TP63: variants seen among roughly 807,000 people sequenced by gnomAD.
TP63 encodes tumor protein 63.
A neutral mutation model predicts 82.8 loss-of-function variants in TP63; 17 were observed. The ratio of observed to expected loss-of-function variants is 0.21; its 90% CI spans 0.14 to 0.31. The LOEUF is 0.31. Among genes scored for constraint, TP63 ranks in the 10% least tolerant of loss-of-function variants. The pLI is 1.00. For synonymous variants in TP63, 330 were observed against 321.7 expected (o/e 1.03, Z -0.28); for missense variants, 648 against 895.3 (o/e 0.72, Z 3.52).
rs373089506 is a variant in TP63 at position 189,668,125 on chromosome 3, G to C, written c.62+36548G>C. Among the ~76,000 whole-genome samples, 54 of 152,020 alleles carry C rather than the reference G, an allele frequency of 3.6e-4. No individual in the cohort carries two copies. In the East Asian group the frequency reaches 8.9e-3, roughly 25 times the overall value. On this transcript the variant is annotated intron_variant, in intron 1 of 13. Transcript: ENST00000264731. ...GGCTTGAGAAAAAAAATTAGGCATT[G>C]CACAGATATGTTCAACAAAGCATAA...
rs1325133126 is a variant in TP63 at position 189,869,406 on chromosome 3, A to T, written c.1212A>T (p.Pro404=). Residue 404 remains proline (P), a splice_region_variant and synonymous_variant, in exon 9 of 14, where the codon CCA becomes CCT. Coordinates refer to ENST00000264731, the MANE Select transcript of TP63 (RefSeq NM_003722.5). Reference sequence around the variant, plus strand: ...CAGATGATGAACTGTTATACTTACCAGTAGGTCTTCCTTGGGTGTTCATGG... The same window carrying T: ...CAGATGATGAACTGTTATACTTACCTGTAGGTCTTCCTTGGGTGTTCATGG... ...RSPDDELLYL[P]VRGRETYEML... 1.2e-6 allele frequency: 2 copies of T among 1,613,674 alleles called. No homozygotes were observed. The highest frequency in any genetic ancestry group is 8.5e-7 in the Non-Finnish European group (1 of 1,179,682).
chr3:189,835,517 A>G (rs1038521661), intron 4 of TP63, among the ~76,000 whole-genome samples: 1 of 152,238 alleles, frequency 6.6e-6, no homozygotes, highest in African/African-American at 2.4e-5. Flanking sequence ...AATTAACATA[A>G]TGAAAGCATT....
chr3:189,821,952 T>C (rs1162676225), intron 4 of TP63, among the ~76,000 whole-genome samples: 1 of 152,184 alleles, frequency 6.6e-6, no homozygotes, highest in African/African-American at 2.4e-5. Flanking sequence ...ATGGCTCTTT[T>C]ACTAAAGGAC....
chr3:189,797,846 C>A (rs566166890), intron 3 of TP63, among the ~76,000 whole-genome samples: 1 of 152,124 alleles, frequency 6.6e-6, no homozygotes, highest in East Asian at 1.9e-4. Context: ...GCTCCAACAC[C>A]TCACCCCCAT....
chr3:189,791,063 C>T (rs544019947), intron 3 of TP63, among the ~76,000 whole-genome samples: 41 of 152,204 alleles, frequency 2.7e-4, no homozygotes, highest in Admixed American at 2.4e-3. Flanking sequence ...TCTTGTTTTG[C>T]AGTTATATTG....
At chr3:189,627,503 A>T (rs1324060060), upstream of TP63, among the ~76,000 whole-genome samples, 1 of 152,212 alleles carries the variant, frequency 6.6e-6, no homozygotes, top group Non-Finnish European at 1.5e-5. Flanking sequence ...CATAGTAGCC[A>T]GTAGCCTCAC....
At chr3:189,672,564 T>G (rs1262220593) in intron 1 of TP63, among the ~76,000 whole-genome samples, 1 of 149,678 alleles carries the variant, frequency 6.7e-6, no homozygotes, top group African/African-American at 2.5e-5. Context: ...ATCATGCCAC[T>G]GTACTACAGC....
intron 1 of TP63, among the ~76,000 whole-genome samples, chr3:189,671,042 A>G (rs1415494149): frequency 6.6e-6 from 1 of 152,126 alleles, no homozygotes; most frequent in African/African-American, 2.4e-5. Flanking sequence ...GAATATCTCA[A>G]ACTAAAAAAC....
intron 1 of TP63, among the ~76,000 whole-genome samples, chr3:189,702,090 C>A (rs566364210): frequency 6.6e-6 from 1 of 152,250 alleles, no homozygotes; most frequent in South Asian, 2.1e-4. Flanking sequence ...CCCTGGAGGC[C>A]TGTACCAGAG....
chr3:189,739,018 C>G, intron 3 of TP63: 1 of 554,810 alleles, frequency 1.8e-6, no homozygotes, highest in Non-Finnish European at 3.2e-6. Context: ...CATCTTTTAT[C>G]TTGATTGTTC....
intron 1 of TP63, among the ~76,000 whole-genome samples, chr3:189,634,852 A>G (rs1471656683): frequency 1.3e-5 from 2 of 152,024 alleles, no homozygotes; most frequent in Non-Finnish European, 2.9e-5. Context: ...CTAAAATTTA[A>G]CACTTCAGAA....
the TP63 span, among the ~76,000 whole-genome samples, chr3:189,614,675 ACAGAGG>A: frequency 8.5e-5 from 13 of 152,196 alleles, no homozygotes; most frequent in African/African-American, 3.1e-4. Flanking sequence ...TGGATTCGGG[ACAGAGG>A]CTCATGTGGA....
intron 3 of TP63, among the ~76,000 whole-genome samples, chr3:189,762,569 A>G (rs1168885332): frequency 2.0e-5 from 3 of 152,352 alleles, no homozygotes; most frequent in South Asian, 2.1e-4. Flanking sequence ...TTAAAAAGTT[A>G]AAAGGTAAAA....
intron 1 of TP63, among the ~76,000 whole-genome samples, chr3:189,693,377 C>A (rs556651116): frequency 6.6e-6 from 1 of 152,126 alleles, no homozygotes; most frequent in Non-Finnish European, 1.5e-5. Flanking sequence ...AAAATGTTTT[C>A]CCCCAAATAC....
chr3:189,887,864 T>G (rs796596385), intron 11 of TP63, among the ~76,000 whole-genome samples: 11 of 151,492 alleles, frequency 7.3e-5, no homozygotes, highest in African/African-American at 2.7e-4. Context: ...TGGTTTTTTT[T>G]TTTTTTTTTT....
intron 10 of TP63, among the ~76,000 whole-genome samples, chr3:189,875,482 CT>C (rs1304331203): frequency 6.6e-6 from 1 of 150,556 alleles, no homozygotes; most frequent in Non-Finnish European, 1.5e-5. Context: ...AGAAGAATCG[CT>C]TGAACCTGGG....
At chr3:189,808,586 G>T in intron 4 of TP63, 60 bp downstream of exon 4, 1 of 1,607,264 alleles carries the variant, frequency 6.2e-7, no homozygotes, top group Non-Finnish European at 8.5e-7. Flanking sequence ...GCTTCACCAC[G>T]TCCCAGGGAT....
At chr3:189,703,791 G>A (rs185741595) in intron 1 of TP63, among the ~76,000 whole-genome samples, 1 of 152,100 alleles carries the variant, frequency 6.6e-6, no homozygotes. Context: ...AACTAAGAAA[G>A]TGATCATGAC....
chr3:189,749,653 C>T (rs994605569), intron 3 of TP63, among the ~76,000 whole-genome samples: 1 of 152,088 alleles, frequency 6.6e-6, no homozygotes, highest in African/African-American at 2.4e-5. Flanking sequence ...CTAAAAACTA[C>T]TGTAAAATCC....
Sources: allele counts gnomAD v4.1 joint callset (sites outside exome capture counted in the v4.1 genomes callset), GRCh38; gene constraint gnomAD v4.1.1; transcripts MANE v1.5; gene names NCBI Gene and HGNC (gene_info 2026-07-23, HGNC 2026-07-21).